BCAT1: variants seen among roughly 807,000 people sequenced by gnomAD.
The protein encoded by BCAT1 is branched-chain-amino-acid aminotransferase, cytosolic.
A neutral mutation model predicts 52.4 loss-of-function variants in BCAT1; 48 were observed. The ratio of observed to expected loss-of-function variants is 0.92; its 90% CI spans 0.73 to 1.16. The LOEUF (loss-of-function observed/expected upper bound fraction) is 1.16. Among genes scored for constraint, BCAT1 ranks in the 50% most tolerant of loss-of-function variants. The probability of loss-of-function intolerance (pLI) is 0.00; values close to 1 mark genes in which losing one functional copy is unlikely to be tolerated. For missense variants in BCAT1, 451 were observed against 457.1 expected, an observed-to-expected ratio of 0.99 and a Z score of 0.12; for synonymous variants, 167 against 161.3, an observed-to-expected ratio of 1.04 and a Z score of -0.27.
intron 9 of BCAT1, among the ~76,000 whole-genome samples, chr12:24,831,036 C>T (rs553878876): frequency 6.6e-6 from 1 of 152,258 alleles, no homozygotes; most frequent in East Asian, 1.9e-4. Context: ...GTTTGAACTA[C>T]ACAAGTTCAC....
At position 24,816,802 on chromosome 12, in the gene BCAT1, C is replaced by G; in HGVS notation, c.*1206G>C. ...ATGAAACTGTTACACCTCAGGTCAT[C>G]AAGCATTAGATTCTCATAAGGAGCG... On this transcript the variant is annotated 3_prime_UTR_variant, in exon 11 of 11. Coordinates refer to ENST00000261192, the MANE Select transcript of BCAT1 (RefSeq NM_005504.7). 2.6e-6 allele frequency: 1 copy of G among 382,924 alleles called. No individual in the cohort carries two copies. The highest frequency in any genetic ancestry group is 4.6e-6 in the Non-Finnish European group (1 of 216,064). 23.7% of individuals were successfully genotyped at this position (382,924 alleles called of 1,614,324 possible).
intron 5 of BCAT1, among the ~76,000 whole-genome samples, chr12:24,855,413 C>T (rs1207767183): frequency 6.6e-6 from 1 of 152,116 alleles, no homozygotes; most frequent in Non-Finnish European, 1.5e-5. Flanking sequence ...TCAAGTCTCG[C>T]TCTCTTGCCC....
intron 1 of BCAT1, among the ~76,000 whole-genome samples, chr12:24,944,428 C>A (rs1428897170): frequency 2.6e-5 from 4 of 152,318 alleles, no homozygotes; most frequent in East Asian, 3.9e-4. Context: ...CCAGGATATA[C>A]CCAAACTTCG....
At chr12:24,850,375 G>A (rs1017011786) in intron 5 of BCAT1, among the ~76,000 whole-genome samples, 2 of 152,180 alleles carry the variant, frequency 1.3e-5, no homozygotes, top group African/African-American at 4.8e-5. Context: ...CTGTTTCATA[G>A]CCTAAGTGAC....
chr12:24,903,119 C>A (rs1446754566), intron 1 of BCAT1: 8 of 1,327,104 alleles, frequency 6.0e-6, no homozygotes, highest in Non-Finnish European at 7.7e-6. Context: ...CGACCTGGGG[C>A]CGCGCGCCAG....
At chr12:24,866,501 T>C (rs1157056749) in intron 5 of BCAT1, among the ~76,000 whole-genome samples, 1 of 152,182 alleles carries the variant, frequency 6.6e-6, no homozygotes, top group African/African-American at 2.4e-5. Context: ...GGCGCGGGAC[T>C]GGCAGGCAGC....
intron 1 of BCAT1, among the ~76,000 whole-genome samples, chr12:24,924,284 A>G (rs965038158): frequency 1.3e-5 from 2 of 152,254 alleles, no homozygotes; most frequent in East Asian, 1.9e-4. Flanking sequence ...ATGCTACTCA[A>G]TGCCAAGAAT....
Position 24,929,892 on chromosome 12 carries a change from A to G in BCAT1, c.6+19035T>C, listed in dbSNP as rs181230224. On this transcript the variant is annotated intron_variant, in intron 1 of 10. Coordinates refer to ENST00000261192, the MANE Select transcript of BCAT1 (RefSeq NM_005504.7). ...TAAATTTATGTCTTTTCTCCTATTT[A>G]TCTTTCTACTGTCAGTTTACTTCAT... Among the ~76,000 whole-genome samples the G allele has an allele frequency of 4.0e-3, 604 of 152,274 alleles. 4 individuals carry two copies. The highest frequency in any genetic ancestry group is 0.014 in the African/African-American group (579 of 41,548).
At chr12:24,941,041 A>C (rs1384483785) in intron 1 of BCAT1, among the ~76,000 whole-genome samples, 1 of 152,256 alleles carries the variant, frequency 6.6e-6, no homozygotes, top group Non-Finnish European at 1.5e-5. Flanking sequence ...AGATTCCCAA[A>C]CACATGACTT....
At chr12:24,907,766 C>G (rs1354601453) in intron 1 of BCAT1, among the ~76,000 whole-genome samples, 1 of 152,188 alleles carries the variant, frequency 6.6e-6, no homozygotes, top group Non-Finnish European at 1.5e-5. Flanking sequence ...CATCCCCTGC[C>G]CACAAAAAAT....
chr12:24,873,931 T>C (rs1057475255), intron 5 of BCAT1, among the ~76,000 whole-genome samples: 17 of 152,226 alleles, frequency 1.1e-4, no homozygotes, highest in African/African-American at 4.1e-4. Flanking sequence ...ATCATAAATC[T>C]ATAAGGATTT....
In BCAT1 at chr12:24,812,139, G is replaced by A. The variant is rs1939706961; in HGVS notation, c.*5869C>T. 1 of 152,064 alleles carries A rather than the reference G, an allele frequency of 6.6e-6. No homozygotes were observed. Among genetic ancestry groups the A allele is most frequent in the Non-Finnish European group, 1.5e-5 (1 of 67,932 alleles). The allele number at this position is 152,064 out of a possible 1,614,324, so 9.4% of individuals were successfully genotyped here. A position where few individuals can be genotyped will look rare whatever the true frequency, so the allele number is the denominator to read the frequency against. ...AACTTATTGATGAAGTACAAATTGA[G>A]GCAGAAATTTACATTCCTTTCTTAA... On this transcript the variant is annotated 3_prime_UTR_variant, in exon 11 of 11. Coordinates refer to ENST00000261192, the MANE Select transcript of BCAT1 (RefSeq NM_005504.7).
In BCAT1 at chr12:24,835,550, ATTTTATTTATTTATTT is replaced by A. The variant is rs200013444; in HGVS notation, c.903+945_903+960del. 1.1e-3 allele frequency among the ~76,000 whole-genome samples: 155 copies of A among 141,316 alleles called. 1 individual carries two copies. The South Asian group carries it at 0.013, about 12-fold the overall frequency. 92.7% of individuals were successfully genotyped at this position (141,316 alleles called of 152,430 possible). Reference sequence around the variant, plus strand: ...CCAAAACCAAACCTTTTTAAATTTTATTTTATTTATTTATTTATTTATTTATTTATTTATTTATTTA... The same window carrying A: ...CCAAAACCAAACCTTTTTAAATTTTAATTTATTTATTTATTTATTTATTTA... On this transcript the variant is annotated intron_variant, in intron 8 of 10. Coordinates refer to ENST00000261192, the MANE Select transcript of BCAT1 (RefSeq NM_005504.7).
intron 10 of BCAT1, among the ~76,000 whole-genome samples, chr12:24,825,392 C>T (rs1177008598): frequency 6.6e-6 from 1 of 151,558 alleles, no homozygotes; most frequent in Non-Finnish European, 1.5e-5. Context: ...AGTGGCTGTA[C>T]TATTTATATT....
At chr12:24,901,706 T>G in intron 2 of BCAT1, 108 bp downstream of exon 2, 3 of 1,175,044 alleles carry the variant, frequency 2.6e-6, no homozygotes, top group Non-Finnish European at 3.6e-6. Context: ...CAACACAACC[T>G]AGGAACTGGG....
intron 2 of BCAT1, among the ~76,000 whole-genome samples, chr12:24,901,139 G>T (rs554951923): frequency 6.6e-6 from 1 of 152,142 alleles, no homozygotes; most frequent in Non-Finnish European, 1.5e-5. Flanking sequence ...GATGAGTCAA[G>T]TTTCCTTCCC....
At chr12:24,828,864 G>A (rs538298985) in intron 10 of BCAT1, among the ~76,000 whole-genome samples, 16 of 151,850 alleles carry the variant, frequency 1.1e-4, no homozygotes, top group Non-Finnish European at 1.6e-4. Flanking sequence ...AAATTAGCCG[G>A]GAACGGTGGC....
At position 24,851,881 on chromosome 12, in the gene BCAT1, A is replaced by G. The variant is rs79245684; in HGVS notation, c.511-1932T>C. ...CTCTCAGTTAAGAAATGACACCTTC[A>G]TTTCATGGGTGCCTTGAAGCAGAAC... On this transcript the variant is annotated intron_variant, in intron 5 of 10. Coordinates refer to ENST00000261192, the MANE Select transcript of BCAT1 (RefSeq NM_005504.7). Among the ~76,000 whole-genome samples, 1,222 of 152,252 alleles carry G rather than the reference A, an allele frequency of 8.0e-3. 23 individuals carry two copies. The highest frequency in any genetic ancestry group is 0.029 in the African/African-American group (1,188 of 41,542).
chr12:24,881,217 T>A, intron 4 of BCAT1, 84 bp downstream of exon 4: 1 of 947,140 alleles, frequency 1.1e-6, no homozygotes, highest in East Asian at 2.5e-5. Context: ...TTTATCTAAC[T>A]ATTCAGAAAT....
Sources: allele counts gnomAD v4.1 joint callset (sites outside exome capture counted in the v4.1 genomes callset), GRCh38; gene constraint gnomAD v4.1.1; transcripts MANE v1.5; gene names NCBI Gene and HGNC (gene_info 2026-07-23, HGNC 2026-07-21).